Variants in TMEM117 observed in about 807,000 individuals in gnomAD.
TMEM117 encodes transmembrane protein 117.
In TMEM117, 27 loss-of-function variants were observed where a neutral mutation model predicts 52.4. The observed-to-expected ratio is 0.51, with a 90% confidence interval of 0.38 to 0.71. The LOEUF (loss-of-function observed/expected upper bound fraction) is 0.71, where lower values mean the gene tolerates loss of function less well. Among genes scored for constraint, TMEM117 ranks in the 30% least tolerant of loss-of-function variants. The pLI, the probability that TMEM117 is intolerant of heterozygous loss-of-function variation, is 0.00. For missense variants in TMEM117, 556 were observed against 630.5 expected (o/e 0.88, Z 1.26); for synonymous variants, 215 against 206.3 (o/e 1.04, Z -0.36).
the TMEM117 span, chr12:43,802,216 T>C: frequency 3.7e-6 from 4 of 1,067,918 alleles, no homozygotes; most frequent in African/African-American, 5.0e-5. Context: ...TTAACCTTTA[T>C]TTGACCTAGA....
At chr12:44,010,221 C>T (rs763866015) in intron 3 of TMEM117, 1 of 488,128 alleles carries the variant, frequency 2.0e-6, no homozygotes, top group Non-Finnish European at 4.1e-6. Flanking sequence ...GAGGGTGCAT[C>T]AGGTTTGGTA....
At chr12:43,951,685 A>T (rs1318362167) in intron 3 of TMEM117, among the ~76,000 whole-genome samples, 1 of 152,172 alleles carries the variant, frequency 6.6e-6, no homozygotes, top group Non-Finnish European at 1.5e-5. Context: ...CCGTGGTCTC[A>T]GGTTCAGCGG....
chr12:44,376,804 A>C (rs1951948464), intron 7 of TMEM117, 80 bp downstream of exon 7: 3 of 1,439,664 alleles, frequency 2.1e-6, no homozygotes, highest in Non-Finnish European at 2.8e-6. Context: ...AAAGCAAGCC[A>C]TAATATTTGA....
chr12:44,351,134 C>A (rs1393616865), intron 6 of TMEM117, among the ~76,000 whole-genome samples: 1 of 151,826 alleles, frequency 6.6e-6, no homozygotes, highest in East Asian at 1.9e-4. Context: ...TTTCATATGC[C>A]TGTTTGTCAC....
chr12:44,181,426 C>T (rs1305138605), intron 4 of TMEM117, among the ~76,000 whole-genome samples: 1 of 151,448 alleles, frequency 6.6e-6, no homozygotes, highest in African/African-American at 2.4e-5. Context: ...GAAGTCCTTG[C>T]CCATGCCTAT....
chr12:43,957,127 G>A (rs895499093), intron 3 of TMEM117, among the ~76,000 whole-genome samples: 2 of 152,108 alleles, frequency 1.3e-5, no homozygotes, highest in Non-Finnish European at 2.9e-5. Context: ...CACAGGGAGG[G>A]GAACAACAGA....
At chr12:44,351,150 T>C (rs948119968) in intron 6 of TMEM117, among the ~76,000 whole-genome samples, 3 of 152,078 alleles carry the variant, frequency 2.0e-5, no homozygotes, top group Admixed American at 6.6e-5. Flanking sequence ...GTCACTCATA[T>C]GTCTTCTTTT....
chr12:44,155,132 A>G (rs1461789401), intron 4 of TMEM117, among the ~76,000 whole-genome samples: 1 of 152,160 alleles, frequency 6.6e-6, no homozygotes, highest in Non-Finnish European at 1.5e-5. Flanking sequence ...TCATGAAATA[A>G]GGTATTTGTA....
At chr12:43,798,617 C>A in the TMEM117 span, 1 of 1,486,734 alleles carries the variant, frequency 6.7e-7, no homozygotes, top group Non-Finnish European at 8.9e-7. Context: ...AACTATCAAA[C>A]TCGTAAAAAA....
At chr12:44,152,489 TTA>T (rs1202040527) in intron 4 of TMEM117, among the ~76,000 whole-genome samples, 6 of 116,656 alleles carry the variant, frequency 5.1e-5, no homozygotes, top group African/African-American at 2.1e-4. Context: ...ATATAAATTT[TTA>T]TATATATAAT....
chr12:43,895,425 G>A (rs551122671), intron 2 of TMEM117, among the ~76,000 whole-genome samples: 1 of 152,180 alleles, frequency 6.6e-6, no homozygotes, highest in South Asian at 2.1e-4. Flanking sequence ...TGATTCTGTG[G>A]CTTTGCTATT....
At chr12:44,179,674 C>T (rs1279266334) in intron 4 of TMEM117, among the ~76,000 whole-genome samples, 3 of 152,216 alleles carry the variant, frequency 2.0e-5, no homozygotes, top group East Asian at 3.9e-4. Context: ...AAAAGCCAAT[C>T]TCACCTGGCA....
At chr12:43,901,425 C>G (rs1474546559) in intron 2 of TMEM117, among the ~76,000 whole-genome samples, 5 of 152,180 alleles carry the variant, frequency 3.3e-5, no homozygotes, top group African/African-American at 1.2e-4. Context: ...ATTCTTCTGC[C>G]TCAGCCTCCT....
chr12:44,383,213 G>T (rs1044861203), intron 7 of TMEM117, among the ~76,000 whole-genome samples: 1 of 152,068 alleles, frequency 6.6e-6, no homozygotes, highest in Non-Finnish European at 1.5e-5. Flanking sequence ...CCTCTGCAGA[G>T]TAAAAGATTA....
chr12:44,030,043 A>G (rs1451326686), intron 3 of TMEM117, among the ~76,000 whole-genome samples: 1 of 152,208 alleles, frequency 6.6e-6, no homozygotes, highest in Non-Finnish European at 1.5e-5. Flanking sequence ...GTGTGATATA[A>G]AAGAGCTTTG....
At chr12:43,924,340 A>C (rs536674293) in intron 2 of TMEM117, among the ~76,000 whole-genome samples, 2 of 152,322 alleles carry the variant, frequency 1.3e-5, no homozygotes, top group East Asian at 3.9e-4. Flanking sequence ...TGGTCATATA[A>C]AATAACTCCT....
intron 5 of TMEM117, among the ~76,000 whole-genome samples, chr12:44,273,947 C>CATAGTACTGGAAGTCCGAGAAATCAG (rs1198070607): frequency 1.3e-5 from 2 of 152,056 alleles, no homozygotes; most frequent in Non-Finnish European, 2.9e-5. Context: ...TGTTGGTCAA[C>CATAGTACTGGAAGTCCGAGAAATCAG]ATAGTACTGG....
In TMEM117 at chr12:44,283,339, C is replaced by T. The variant is rs141348093; in HGVS notation, c.609-16241C>T. ...ACCTGGAAAAGCCACAAACACTGAA[C>T]GCCAGCCCATGAAAGCAGCCAAGAG... On this transcript the variant is annotated intron_variant, in intron 5 of 7. Coordinates refer to ENST00000266534, the MANE Select transcript of TMEM117 (RefSeq NM_032256.3). Among the ~76,000 whole-genome samples the T allele has an allele frequency of 2.5e-3, 375 of 152,244 alleles. 1 individual carries two copies. Among genetic ancestry groups the T allele is most frequent in the Non-Finnish European group, 4.0e-3 (275 of 68,022 alleles).
intron 6 of TMEM117, among the ~76,000 whole-genome samples, chr12:44,320,843 T>C (rs1023802328): frequency 1.3e-5 from 2 of 152,256 alleles, no homozygotes; most frequent in African/African-American, 4.8e-5. Flanking sequence ...TTAATTGTTT[T>C]ACTAAAAAGT....
Sources: gnomAD v4.1 joint callset for allele counts (sites outside exome capture counted in the v4.1 genomes callset) on GRCh38, gnomAD v4.1.1 for gene constraint, MANE v1.5 for transcripts, NCBI Gene and HGNC (gene_info 2026-07-23, HGNC 2026-07-21) for gene names.